SND1: variants seen among roughly 807,000 people sequenced by gnomAD.
SND1 encodes staphylococcal nuclease domain-containing protein 1.
In SND1, 38 loss-of-function variants were observed where a neutral mutation model predicts 121.7. The ratio of observed to expected loss-of-function variants is 0.31; its 90% confidence interval spans 0.24 to 0.41. The LOEUF (loss-of-function observed/expected upper bound fraction) is 0.41, where lower values mean the gene tolerates loss of function less well. Among genes scored for constraint, SND1 ranks in the 10% least tolerant of loss-of-function variants. SND1 has a pLI of 1.00. For synonymous variants in SND1, 401 were observed against 447.4 expected (o/e 0.90, Z 1.31); for missense variants, 868 against 1,184.6 (o/e 0.73, Z 3.92).
intron 16 of SND1, among the ~76,000 whole-genome samples, chr7:128,019,846 A>C (rs191835430): frequency 2.6e-5 from 4 of 152,316 alleles, no homozygotes; most frequent in East Asian, 1.9e-4. Context: ...TCTGGACCCC[A>C]GTTTCAGGGT....
chr7:127,821,337 A>T (rs1237296546), intron 11 of SND1, among the ~76,000 whole-genome samples: 3 of 152,200 alleles, frequency 2.0e-5, no homozygotes, highest in Non-Finnish European at 4.4e-5. Flanking sequence ...TTAGCAAAAA[A>T]ATACCTGTTT....
At chr7:128,030,788 G>T in intron 16 of SND1, 1 of 1,047,820 alleles carries the variant, frequency 9.5e-7, no homozygotes, top group Non-Finnish European at 1.3e-6. Context: ...GGAGCGGATC[G>T]GCCGAAAAAA....
chr7:127,796,629 GACATTTT>G (rs1230327014), intron 10 of SND1, among the ~76,000 whole-genome samples: 1 of 152,106 alleles, frequency 6.6e-6, no homozygotes, highest in African/African-American at 2.4e-5. Flanking sequence ...TCTGTCCCTT[GACATTTT>G]TGCTCTTGTT....
At chr7:128,038,745 C>T (rs1792797636) in intron 16 of SND1, among the ~76,000 whole-genome samples, 1 of 151,372 alleles carries the variant, frequency 6.6e-6, no homozygotes, top group Non-Finnish European at 1.5e-5. Context: ...GTACTGAGTT[C>T]CCATATGTGC....
intron 16 of SND1, among the ~76,000 whole-genome samples, chr7:128,001,780 A>T (rs1802837822): frequency 1.3e-5 from 2 of 152,130 alleles, no homozygotes; most frequent in South Asian, 2.1e-4. Context: ...AAAAATACAA[A>T]ATCAGCTGGG....
At chr7:127,857,609 C>A (rs1268347969) in intron 12 of SND1, among the ~76,000 whole-genome samples, 1 of 151,746 alleles carries the variant, frequency 6.6e-6, no homozygotes, top group African/African-American at 2.4e-5. Context: ...ACAGGCACCT[C>A]CAAGGAGGAT....
intron 18 of SND1, among the ~76,000 whole-genome samples, chr7:128,082,883 C>T (rs969004062): frequency 2.0e-5 from 3 of 152,156 alleles, no homozygotes; most frequent in African/African-American, 7.2e-5. Context: ...TCAGAACAAG[C>T]CCCTGAAGTC....
intron 1 of SND1, among the ~76,000 whole-genome samples, chr7:127,668,661 G>A (rs1795460742): frequency 6.6e-6 from 1 of 152,210 alleles, no homozygotes; most frequent in African/African-American, 2.4e-5. Flanking sequence ...TCATAGCTTA[G>A]TGAATTTTTG....
chr7:127,761,638 T>A (rs1383496691), intron 10 of SND1, among the ~76,000 whole-genome samples: 2 of 152,210 alleles, frequency 1.3e-5, no homozygotes, highest in African/African-American at 4.8e-5. Context: ...TATTATCCAT[T>A]GTTCGAAGCT....
At chr7:127,849,438 A>G (rs548794444) in intron 12 of SND1, among the ~76,000 whole-genome samples, 13 of 152,308 alleles carry the variant, frequency 8.5e-5, no homozygotes, top group African/African-American at 9.6e-5. Flanking sequence ...TTAGAAGAAA[A>G]TGTGTTCACA....
chr7:128,062,915 C>A (rs977404059), intron 16 of SND1, among the ~76,000 whole-genome samples: 1 of 152,216 alleles, frequency 6.6e-6, no homozygotes, highest in Admixed American at 6.5e-5. Flanking sequence ...TCGAGACCAG[C>A]ACCTGGCGGG....
At chr7:127,811,439 C>T (rs560605553) in intron 11 of SND1, among the ~76,000 whole-genome samples, 9 of 152,278 alleles carry the variant, frequency 5.9e-5, no homozygotes, top group African/African-American at 1.7e-4. Flanking sequence ...GGCTCTCCTC[C>T]GGTGTTATGG....
intron 10 of SND1, among the ~76,000 whole-genome samples, chr7:127,803,445 T>C (rs1030551192): frequency 6.6e-6 from 1 of 152,196 alleles, no homozygotes. Flanking sequence ...CAACCTTTTT[T>C]AAATATATAA....
chr7:127,690,946 G>A (rs1795902333), intron 2 of SND1, among the ~76,000 whole-genome samples: 1 of 152,144 alleles, frequency 6.6e-6, no homozygotes, highest in South Asian at 2.1e-4. Flanking sequence ...TAAGTCCTGT[G>A]GCAATGAAAG....
At chr7:127,910,147 A>G (rs1800424274) in intron 14 of SND1, among the ~76,000 whole-genome samples, 1 of 152,082 alleles carries the variant, frequency 6.6e-6, no homozygotes, top group Non-Finnish European at 1.5e-5. Flanking sequence ...GGCTAAAGAG[A>G]GTTTTAAAAA....
chr7:127,698,285 G>A (rs1441599656), intron 3 of SND1, among the ~76,000 whole-genome samples: 1 of 152,154 alleles, frequency 6.6e-6, no homozygotes, highest in Non-Finnish European at 1.5e-5. Flanking sequence ...CTGGCATAAC[G>A]TGTGATAGCC....
At chr7:127,805,717 G>A (rs1798223975) in intron 10 of SND1, among the ~76,000 whole-genome samples, 1 of 152,164 alleles carries the variant, frequency 6.6e-6, no homozygotes, top group African/African-American at 2.4e-5. Context: ...AAGAGTAGCG[G>A]CTATTTAGGA....
intron 16 of SND1, among the ~76,000 whole-genome samples, chr7:128,070,926 G>A (rs866957634): frequency 2.8e-4 from 42 of 152,310 alleles, no homozygotes; most frequent in Middle Eastern, 3.4e-3. Context: ...ATCTGGCGGG[G>A]CACATTTCCA....
chr7:127,888,135 T>C, intron 13 of SND1, 123 bp downstream of exon 13: 2 of 584,114 alleles, frequency 3.4e-6, no homozygotes, highest in Non-Finnish European at 6.0e-6. Flanking sequence ...CATGTATTAT[T>C]ATTCTAGATT....
Sources: gnomAD v4.1 joint callset for allele counts (sites outside exome capture counted in the v4.1 genomes callset) on GRCh38, gnomAD v4.1.1 for gene constraint, MANE v1.5 for transcripts, NCBI Gene and HGNC (gene_info 2026-07-23, HGNC 2026-07-21) for gene names.